Variants in CALN1 observed in about 807,000 individuals in gnomAD.
The protein encoded by CALN1 is calcium-binding protein 8.
In CALN1, 17 loss-of-function variants were observed where a neutral mutation model predicts 30.6. The observed-to-expected ratio is 0.56, with a 90% CI of 0.38 to 0.83. The LOEUF is 0.83. Ranked by LOEUF, CALN1 falls within the 40% of genes least tolerant of loss-of-function variation. The pLI is 0.00. For missense variants in CALN1, 291 were observed against 354.9 expected, an observed-to-expected ratio of 0.82 and a Z score of 1.45; for synonymous variants, 156 against 131.4, an observed-to-expected ratio of 1.19 and a Z score of -1.28.
intron 5 of CALN1, among the ~76,000 whole-genome samples, chr7:71,903,506 A>G (rs1793972625): frequency 6.6e-6 from 1 of 152,210 alleles, no homozygotes; most frequent in Admixed American, 6.5e-5. Context: ...CTAAATGCAG[A>G]AGACCGAAAT....
At chr7:72,216,948 T>TG (rs1463479456) in intron 3 of CALN1, among the ~76,000 whole-genome samples, 27 of 152,032 alleles carry the variant, frequency 1.8e-4, no homozygotes, top group African/African-American at 5.8e-4. Flanking sequence ...CTTGCTATGT[T>TG]GCCCAGACTG....
intron 2 of CALN1, among the ~76,000 whole-genome samples, chr7:72,333,730 C>G (rs1223113540): frequency 6.6e-6 from 1 of 151,552 alleles, no homozygotes; most frequent in Non-Finnish European, 1.5e-5. Flanking sequence ...ATCATCAAAC[C>G]AGTCTGGGCT....
intron 4 of CALN1, among the ~76,000 whole-genome samples, chr7:72,081,207 G>A (rs1805113577): frequency 6.6e-6 from 1 of 152,044 alleles, no homozygotes; most frequent in Admixed American, 6.6e-5. Flanking sequence ...GACACAAACT[G>A]TACCACAGAA....
intron 5 of CALN1, among the ~76,000 whole-genome samples, chr7:71,923,278 G>A (rs1309356550): frequency 6.6e-6 from 1 of 152,110 alleles, no homozygotes; most frequent in Non-Finnish European, 1.5e-5. Context: ...TTACTTCTGT[G>A]CTCTGTTGAT....
chr7:72,101,229 A>G (rs1806642314), intron 4 of CALN1, among the ~76,000 whole-genome samples: 1 of 152,142 alleles, frequency 6.6e-6, no homozygotes, highest in African/African-American at 2.4e-5. Flanking sequence ...GCCTCCGATA[A>G]CAGGTGCGAT....
At chr7:72,312,097 T>C (rs2129556469) in intron 2 of CALN1, among the ~76,000 whole-genome samples, 1 of 152,128 alleles carries the variant, frequency 6.6e-6, no homozygotes, top group East Asian at 1.9e-4. Flanking sequence ...ACAAGAAGCA[T>C]TCTGGTTTCA....
At chr7:71,954,383 C>T (rs1353428469) in intron 5 of CALN1, among the ~76,000 whole-genome samples, 2 of 152,120 alleles carry the variant, frequency 1.3e-5, no homozygotes, top group Non-Finnish European at 2.9e-5. Flanking sequence ...TCATTTGAAC[C>T]AGGGAGATGG....
intron 5 of CALN1, among the ~76,000 whole-genome samples, chr7:71,923,912 G>T (rs537770195): frequency 2.6e-5 from 4 of 152,174 alleles, no homozygotes; most frequent in African/African-American, 9.6e-5. Flanking sequence ...GGATTTCAGG[G>T]CTGGGCATAG....
chr7:72,486,651 G>A, the CALN1 span, among the ~76,000 whole-genome samples: 4 of 151,930 alleles, frequency 2.6e-5, no homozygotes, highest in African/African-American at 7.3e-5. Context: ...GGGATTACGG[G>A]AGTGAGCCAC....
At chr7:72,473,300 G>C in the CALN1 span, among the ~76,000 whole-genome samples, 1 of 151,802 alleles carries the variant, frequency 6.6e-6, no homozygotes, top group Admixed American at 6.6e-5. Flanking sequence ...CAGGTCTCAG[G>C]TGCCGAGGTC....
At chr7:71,876,072 G>C (rs1792227753) in intron 5 of CALN1, among the ~76,000 whole-genome samples, 1 of 152,064 alleles carries the variant, frequency 6.6e-6, no homozygotes, top group South Asian at 2.1e-4. Flanking sequence ...GGTAGGTTAT[G>C]TTTTGACAGT....
intron 2 of CALN1, among the ~76,000 whole-genome samples, chr7:72,288,338 TGACATGGGAGCTGGATC>T (rs1342252708): frequency 6.6e-6 from 1 of 152,178 alleles, no homozygotes; most frequent in African/African-American, 2.4e-5. Flanking sequence ...AGTGTCCTTA[TGACATGGGAGCTGGATC>T]ACCCCAAGCA....
chr7:72,434,348 CAAAA>C (rs542641679), intron 1 of CALN1, among the ~76,000 whole-genome samples: 1 of 105,244 alleles, frequency 9.5e-6, no homozygotes. Flanking sequence ...ACTAAAATAC[CAAAA>C]AAAAAAAAAA....
chr7:72,423,947 AAAGAAGGGAGGGAGGG>A (rs1278704094), intron 1 of CALN1, among the ~76,000 whole-genome samples: 2 of 126,578 alleles, frequency 1.6e-5, no homozygotes, highest in African/African-American at 3.0e-5. Flanking sequence ...AGAAAGAAAG[AAAGAAGGGAGGGAGGG>A]AGGGAGGGAG....
chr7:72,454,068 G>A, the CALN1 span, among the ~76,000 whole-genome samples: 1 of 151,942 alleles, frequency 6.6e-6, no homozygotes, highest in Non-Finnish European at 1.5e-5. Context: ...TACCAGCACA[G>A]CTTGTTATCT....
At chr7:72,312,405 A>AAG (rs954249533) in intron 2 of CALN1, among the ~76,000 whole-genome samples, 1 of 151,564 alleles carries the variant, frequency 6.6e-6, no homozygotes, top group African/African-American at 2.4e-5. Context: ...AAAAAAAAAA[A>AAG]AAAAAAAAAA....
At chr7:71,800,975 CCT>C (rs1429285567) in intron 6 of CALN1, among the ~76,000 whole-genome samples, 2 of 152,142 alleles carry the variant, frequency 1.3e-5, no homozygotes, top group South Asian at 4.2e-4. Context: ...CCCATTGCCC[CCT>C]GACAGGCCCC....
intron 5 of CALN1, among the ~76,000 whole-genome samples, chr7:71,853,928 C>T (rs970392752): frequency 2.0e-5 from 3 of 151,942 alleles, no homozygotes; most frequent in African/African-American, 7.3e-5. Context: ...TTTAATGGTT[C>T]GTGATTTTCA....
At chr7:72,049,809 A>ATTTTTT (rs36079674) in intron 4 of CALN1, among the ~76,000 whole-genome samples, 2 of 90,554 alleles carry the variant, frequency 2.2e-5, no homozygotes, top group Non-Finnish European at 1.9e-5. Flanking sequence ...GGCCAAGTCT[A>ATTTTTT]TTTCTTTTTT....
Sources: gnomAD v4.1 joint callset for allele counts (sites outside exome capture counted in the v4.1 genomes callset) on GRCh38, gnomAD v4.1.1 for gene constraint, MANE v1.5 for transcripts, NCBI Gene and HGNC (gene_info 2026-07-23, HGNC 2026-07-21) for gene names.